Variants in CCDC12 observed in about 807,000 individuals in gnomAD.
CCDC12 encodes the protein coiled-coil domain-containing protein 12.
Under a neutral mutation model 25.7 loss-of-function variants are expected in CCDC12, and 28 were observed. That is an observed-to-expected ratio of 1.09 (90% confidence interval 0.81 to 1.50). The LOEUF is 1.50. Among genes scored for constraint, CCDC12 ranks in the 40% most tolerant of loss-of-function variants. The pLI is 0.00. For missense variants in CCDC12, 198 were observed against 210.0 expected (o/e 0.94, Z 0.35); for synonymous variants, 75 against 87.7 (o/e 0.86, Z 0.81).
intron 1 of CCDC12, among the ~76,000 whole-genome samples, chr3:46,972,434 G>A (rs1230945501): frequency 6.6e-6 from 1 of 152,140 alleles, no homozygotes; most frequent in Non-Finnish European, 1.5e-5. Context: ...ACAATTCAAT[G>A]ACAACTCAAT....
At chr3:46,972,488 T>C (rs1336028595) in intron 1 of CCDC12, among the ~76,000 whole-genome samples, 3 of 152,154 alleles carry the variant, frequency 2.0e-5, no homozygotes, top group African/African-American at 7.2e-5. Context: ...AAAAGGAATC[T>C]GGATACTTCT....
At position 46,952,503 on chromosome 3, in the gene CCDC12, C is replaced by A. The variant is rs529026990; in HGVS notation, c.97-11438G>T. Among the ~76,000 whole-genome samples the A allele has an allele frequency of 3.3e-5, 5 of 152,328 alleles. No homozygotes were observed. In the East Asian group the frequency reaches 9.7e-4, roughly 29 times the overall value. On this transcript the variant is annotated intron_variant, in intron 1 of 6. Transcript: ENST00000683445. ...TTGTCTGTTCTATCCTCTTTTCCAA[C>A]AACTATCTGCACCTCTGCTTCTCTC... is the stretch of plus-strand genomic sequence containing the variant.
chr3:46,948,773 C>T (rs1471737583), intron 1 of CCDC12, among the ~76,000 whole-genome samples: 3 of 152,258 alleles, frequency 2.0e-5, no homozygotes, highest in Non-Finnish European at 2.9e-5. Context: ...GCCCGTCACA[C>T]GGCCCTGCCC....
intron 1 of CCDC12, among the ~76,000 whole-genome samples, chr3:46,941,478 T>C (rs2033704446): frequency 6.6e-6 from 1 of 150,454 alleles, no homozygotes; most frequent in African/African-American, 2.5e-5. Context: ...GGCAGGAGAA[T>C]GGCGTGAACC....
chr3:46,979,120 G>GA (rs2035125110), upstream of CCDC12, among the ~76,000 whole-genome samples: 1 of 152,220 alleles, frequency 6.6e-6, no homozygotes, highest in Non-Finnish European at 1.5e-5. Context: ...AGGCTTCCTG[G>GA]AGGAGGGAGG....
At position 46,954,439 on chromosome 3, in the gene CCDC12, C is replaced by A. The variant is rs77563378; in HGVS notation, c.97-13374G>T. On this transcript the variant is annotated intron_variant, in intron 1 of 6. Transcript: ENST00000683445. ...TACCCTTTCGCCTCCCACACACACC[C>A]TAGTCCCATGGCCCTGTTTACATCA... 8.1e-3 allele frequency among the ~76,000 whole-genome samples: 1,237 copies of A among 152,322 alleles called. 8 individuals are homozygous for A. Among genetic ancestry groups the A allele is most frequent in the Non-Finnish European group, 0.013 (911 of 68,024 alleles).
intron 1 of CCDC12, among the ~76,000 whole-genome samples, chr3:46,958,100 C>A (rs1482214409): frequency 6.6e-6 from 1 of 151,700 alleles, no homozygotes; most frequent in Admixed American, 6.6e-5. Context: ...CCTTGAAGCA[C>A]GACAAGATAA....
intron 3 of CCDC12, among the ~76,000 whole-genome samples, chr3:46,924,649 A>C (rs1383398489): frequency 6.6e-6 from 1 of 152,140 alleles, no homozygotes; most frequent in Non-Finnish European, 1.5e-5. Flanking sequence ...GGAGTTCAAG[A>C]CCAGCCTGGC....
intron 1 of CCDC12, chr3:46,976,331 ACAGGCAG>A: frequency 7.8e-7 from 1 of 1,285,858 alleles, no homozygotes; most frequent in South Asian, 1.8e-5. Flanking sequence ...ATCTGAACCT[ACAGGCAG>A]CCCTAGATAC....
At chr3:46,961,537 T>C (rs2034465656) in intron 1 of CCDC12, among the ~76,000 whole-genome samples, 1 of 152,156 alleles carries the variant, frequency 6.6e-6, no homozygotes, top group Non-Finnish European at 1.5e-5. Context: ...TGGGAGTCCA[T>C]GTTGTCTTTT....
chr3:46,925,174 A>T (rs1229657260), intron 3 of CCDC12: 1 of 617,688 alleles, frequency 1.6e-6, no homozygotes, highest in Admixed American at 2.1e-5. Context: ...CTCTGAGAGG[A>T]TGTGGCCTTT....
At chr3:46,941,133 G>A (rs2107138524) in intron 1 of CCDC12, 68 bp from the exon 2 acceptor site, 6 of 1,507,288 alleles carry the variant, frequency 4.0e-6, no homozygotes, top group Non-Finnish European at 5.5e-6. Flanking sequence ...GTGGCCCAGG[G>A]AGCTAAAGAA....
chr3:46,975,636 T>C (rs563608712), intron 1 of CCDC12, among the ~76,000 whole-genome samples: 2 of 148,694 alleles, frequency 1.3e-5, no homozygotes, highest in East Asian at 4.1e-4. Context: ...GTTGACGCCA[T>C]TCTCCTGCCT....
rs1169146826 is a variant in CCDC12, at chr3:46,922,004, G to A, written c.*53C>T. ...AAGCCTAGCCCCCATCCCTGCCCAA[G>A]ACCATCCTCTGCAGGACAGGCCTGA... On this transcript the variant is annotated 3_prime_UTR_variant, in exon 7 of 7. Transcript: ENST00000683445. The A allele has an allele frequency of 2.5e-6, 4 of 1,593,772 alleles. No individual in the cohort carries two copies. The highest frequency in any genetic ancestry group is 2.2e-4 in the Middle Eastern group (1 of 4,616).
intron 2 of CCDC12, among the ~76,000 whole-genome samples, chr3:46,929,465 T>C (rs1358290635): frequency 6.6e-6 from 1 of 152,132 alleles, no homozygotes; most frequent in Admixed American, 6.6e-5. Context: ...GACGAGATGG[T>C]GCCAGCCAGA....
upstream of CCDC12, among the ~76,000 whole-genome samples, chr3:46,977,253 C>T (rs1305921243): frequency 6.6e-5 from 10 of 152,128 alleles, no homozygotes; most frequent in Admixed American, 6.5e-4. Flanking sequence ...GGAGGGCGGA[C>T]CACGAGGTCA....
intron 2 of CCDC12, among the ~76,000 whole-genome samples, chr3:46,933,159 A>T (rs1301073205): frequency 6.6e-6 from 1 of 152,168 alleles, no homozygotes; most frequent in South Asian, 2.1e-4. Flanking sequence ...CCCACAGTGG[A>T]GTTCAGCCTA....
At chr3:46,949,884 G>A (rs776532993) in intron 1 of CCDC12, among the ~76,000 whole-genome samples, 15 of 152,106 alleles carry the variant, frequency 9.9e-5, no homozygotes, top group South Asian at 8.3e-4. Context: ...AAAATTAGCC[G>A]GGCATGGTGG....
chr3:46,962,423 A>C (rs1490172646), intron 1 of CCDC12, among the ~76,000 whole-genome samples: 1 of 110,162 alleles, frequency 9.1e-6, no homozygotes, highest in Non-Finnish European at 1.9e-5. Context: ...AACAAGAGCA[A>C]AACTCTATCT....
Sources: allele counts gnomAD v4.1 joint callset (sites outside exome capture counted in the v4.1 genomes callset), GRCh38; gene constraint gnomAD v4.1.1; transcripts MANE v1.5; gene names NCBI Gene and HGNC (gene_info 2026-07-23, HGNC 2026-07-21).